SGCD: variants seen among roughly 807,000 people sequenced by gnomAD.
SGCD encodes sarcoglycan delta, also known as delta-sarcoglycan.
SGCD carries 18 observed loss-of-function variants against 36.6 expected under a neutral mutation model. The observed-to-expected ratio is 0.49, with a 90% confidence interval of 0.34 to 0.73. The LOEUF (loss-of-function observed/expected upper bound fraction) is 0.73. SGCD is among the 30% of genes least tolerant of loss of function. The pLI is 0.01. For synonymous variants in SGCD, 133 were observed against 130.6 expected (o/e 1.02, Z -0.12); for missense variants, 387 against 346.7 (o/e 1.12, Z -0.92).
the SGCD span, among the ~76,000 whole-genome samples, chr5:155,741,195 G>T: frequency 5.9e-5 from 9 of 152,142 alleles, no homozygotes; most frequent in African/African-American, 2.2e-4. Flanking sequence ...AGTTAAGGGG[G>T]GTTGTGGAAG....
chr5:155,868,119 A>G (rs1755556184), upstream of SGCD, among the ~76,000 whole-genome samples: 2 of 151,798 alleles, frequency 1.3e-5, no homozygotes, highest in Admixed American at 1.3e-4. Flanking sequence ...TGGTGCGATC[A>G]TGACTCACTA....
chr5:156,703,712 T>G (rs1391787947), intron 7 of SGCD, among the ~76,000 whole-genome samples: 2 of 152,198 alleles, frequency 1.3e-5, no homozygotes, highest in African/African-American at 2.4e-5. Flanking sequence ...ATTCTCCATT[T>G]GATGAAGCCC....
At chr5:156,220,786 A>C (rs1764699132) in intron 3 of SGCD, among the ~76,000 whole-genome samples, 1 of 152,160 alleles carries the variant, frequency 6.6e-6, no homozygotes, top group Non-Finnish European at 1.5e-5. Context: ...GTAGCAAGTA[A>C]ATCTCAGCCC....
the SGCD span, among the ~76,000 whole-genome samples, chr5:155,750,899 C>T: frequency 6.6e-6 from 1 of 152,138 alleles, no homozygotes; most frequent in Non-Finnish European, 1.5e-5. Context: ...TCCAAATGGC[C>T]TCTGCAAGCA....
rs1757570296 is a variant in SGCD, at chr5:156,765,400, TG to T, written c.*6016del. 1 of 152,258 alleles carries T rather than the reference TG, an allele frequency of 6.6e-6. No homozygotes were observed. The highest frequency in any genetic ancestry group is 2.1e-4 in the South Asian group (1 of 4,820). The allele number at this position is 152,258 out of a possible 1,614,324, so 9.4% of individuals were successfully genotyped here. ...TCTAATTCATGGGGTTCTAACATTT[TG>T]GGGGGCCATAGATTCTTTTGACAAT... On this transcript the variant is annotated 3_prime_UTR_variant, in exon 9 of 9. Coordinates refer to ENST00000337851, the MANE Select transcript of SGCD (RefSeq NM_000337.6).
intron 3 of SGCD, among the ~76,000 whole-genome samples, chr5:156,449,591 G>T (rs1344645568): frequency 6.6e-6 from 1 of 150,996 alleles, no homozygotes; most frequent in Non-Finnish European, 1.5e-5. Context: ...CAGTACTTTG[G>T]GTGGCGGAAA....
chr5:156,423,988 G>GA (rs1021418772), intron 3 of SGCD, among the ~76,000 whole-genome samples: 1 of 152,110 alleles, frequency 6.6e-6, no homozygotes, highest in African/African-American at 2.4e-5. Context: ...CCCAGGGACA[G>GA]AAAGATGAGT....
At chr5:156,391,431 C>T (rs993618955) in intron 3 of SGCD, among the ~76,000 whole-genome samples, 2 of 152,044 alleles carry the variant, frequency 1.3e-5, no homozygotes, top group Non-Finnish European at 2.9e-5. Flanking sequence ...TGTGGGTTTC[C>T]CGTCTGTGTA....
chr5:155,825,798 G>A, the SGCD span, among the ~76,000 whole-genome samples: 2 of 151,614 alleles, frequency 1.3e-5, no homozygotes, highest in African/African-American at 4.8e-5. Flanking sequence ...ACCCAAGCTG[G>A]AGTGAAGTGG....
At chr5:155,756,482 G>C in the SGCD span, among the ~76,000 whole-genome samples, 1 of 152,022 alleles carries the variant, frequency 6.6e-6, no homozygotes, top group Admixed American at 6.6e-5. Context: ...TGATATCTTG[G>C]CCAAGAAAAG....
intron 1 of SGCD, among the ~76,000 whole-genome samples, chr5:155,890,290 A>T (rs1262521933): frequency 1.3e-5 from 2 of 152,164 alleles, no homozygotes; most frequent in East Asian, 3.9e-4. Context: ...TTAAGGGAAA[A>T]GAAATTCATT....
At chr5:156,743,743 G>A (rs1756807946) in intron 7 of SGCD, among the ~76,000 whole-genome samples, 1 of 152,174 alleles carries the variant, frequency 6.6e-6, no homozygotes, top group African/African-American at 2.4e-5. Context: ...CTTTAGAGTA[G>A]AAGCCTAGAA....
At chr5:156,005,535 C>A (rs1049369596) in intron 1 of SGCD, among the ~76,000 whole-genome samples, 2 of 152,076 alleles carry the variant, frequency 1.3e-5, no homozygotes, top group African/African-American at 4.8e-5. Context: ...ACTGCAAGCT[C>A]CACCTCCCGG....
chr5:155,824,624 C>T, the SGCD span, among the ~76,000 whole-genome samples: 4 of 151,922 alleles, frequency 2.6e-5, no homozygotes, highest in African/African-American at 9.7e-5. Flanking sequence ...TCCTCCAAGC[C>T]CCACAAGGAT....
chr5:155,992,210 G>A (rs1383882707), intron 1 of SGCD, among the ~76,000 whole-genome samples: 1 of 152,082 alleles, frequency 6.6e-6, no homozygotes, highest in Non-Finnish European at 1.5e-5. Context: ...TAGACCTCTT[G>A]AAACCTTGTT....
intron 3 of SGCD, among the ~76,000 whole-genome samples, chr5:156,207,423 C>T (rs1420052616): frequency 6.6e-6 from 1 of 152,078 alleles, no homozygotes; most frequent in Non-Finnish European, 1.5e-5. Flanking sequence ...TAGTTGATCT[C>T]TAATGTCTTT....
chr5:156,472,047 A>C (rs1349306791), intron 3 of SGCD, among the ~76,000 whole-genome samples: 1 of 152,210 alleles, frequency 6.6e-6, no homozygotes, highest in Non-Finnish European at 1.5e-5. Context: ...ATTCAAATTA[A>C]AACACCAACT....
At chr5:156,054,478 C>A (rs955259845) in intron 1 of SGCD, among the ~76,000 whole-genome samples, 1 of 144,664 alleles carries the variant, frequency 6.9e-6, no homozygotes, top group Non-Finnish European at 1.6e-5. Context: ...GTAGAGACGG[C>A]GTTTCACCGT....
chr5:156,209,296 G>C (rs1018004541), intron 3 of SGCD, among the ~76,000 whole-genome samples: 3 of 152,156 alleles, frequency 2.0e-5, no homozygotes, highest in Non-Finnish European at 4.4e-5. Flanking sequence ...AGAGCACCAG[G>C]TTTCAGGCCT....
Sources: allele counts gnomAD v4.1 joint callset (sites outside exome capture counted in the v4.1 genomes callset), GRCh38; gene constraint gnomAD v4.1.1; transcripts MANE v1.5; gene names NCBI Gene and HGNC (gene_info 2026-07-23, HGNC 2026-07-21).